SPICE1: variants seen among roughly 807,000 people sequenced by gnomAD.
The protein encoded by SPICE1 is spindle and centriole associated protein 1, also known as spindle and centriole-associated protein 1.
A neutral mutation model predicts 102.7 loss-of-function variants in SPICE1; 75 were observed. The observed-to-expected ratio is 0.73, with a 90% CI of 0.61 to 0.88. SPICE1 has a LOEUF of 0.88. SPICE1 is among the 40% of genes least tolerant of loss of function. The probability of loss-of-function intolerance (pLI) is 0.00; values close to 1 mark genes in which losing one functional copy is unlikely to be tolerated. For synonymous variants in SPICE1, 308 were observed against 350.3 expected (o/e 0.88, Z 1.35); for missense variants, 979 against 1,020.1 (o/e 0.96, Z 0.55).
At chr3:113,469,928 G>C (rs761721932) in intron 7 of SPICE1, among the ~76,000 whole-genome samples, 3 of 152,142 alleles carry the variant, frequency 2.0e-5, no homozygotes, top group Non-Finnish European at 4.4e-5. Context: ...GCCAGTCTCT[G>C]CTCATCAATG....
intron 7 of SPICE1, among the ~76,000 whole-genome samples, chr3:113,479,113 T>A (rs577306943): frequency 1.3e-4 from 19 of 144,890 alleles, no homozygotes; most frequent in African/African-American, 4.8e-4. Context: ...CTCCTAATGC[T>A]ATCCCTCCCC....
chr3:113,502,662 TAAAA>T (rs35248720), intron 3 of SPICE1, among the ~76,000 whole-genome samples: 4,222 of 87,286 alleles, frequency 0.048, 77 homozygotes, highest in East Asian at 0.11. Flanking sequence ...CAATAAATCT[TAAAA>T]AAAAAAAAAA....
chr3:113,458,920 C>G (rs534673585), intron 12 of SPICE1, among the ~76,000 whole-genome samples: 204 of 152,234 alleles, frequency 1.3e-3, no homozygotes, highest in African/African-American at 4.5e-3. Context: ...GGGAGGTGTA[C>G]CCAACAGCTC....
chr3:113,465,921 A>G lies in SPICE1; in HGVS notation c.1156-137T>C, dbSNP rs188321326. ...ACAGTAATGATGAAGAGTTTTATTA[A>G]AAGGTTTATTATATTTAATTAAAGA... On this transcript the variant is annotated intron_variant, in intron 10 of 17. Transcript: ENST00000295872. 19 of 766,732 alleles carry G rather than the reference A, an allele frequency of 2.5e-5. No homozygotes were observed. The African/African-American group carries it at 3.2e-4, about 13-fold the overall frequency. The allele number at this position is 766,732 out of a possible 1,614,324, so 47.5% of individuals were successfully genotyped here. A position where few individuals can be genotyped will look rare whatever the true frequency, so the allele number is the denominator to read the frequency against.
At chr3:113,486,182 A>C (rs1172752564) in intron 7 of SPICE1, among the ~76,000 whole-genome samples, 1 of 141,862 alleles carries the variant, frequency 7.0e-6, no homozygotes, top group East Asian at 2.2e-4. Flanking sequence ...TAGTATATCA[A>C]ATATACTGTA....
chr3:113,478,411 A>G (rs538572408), intron 7 of SPICE1, among the ~76,000 whole-genome samples: 9 of 152,286 alleles, frequency 5.9e-5, no homozygotes, highest in Middle Eastern at 3.4e-3. Flanking sequence ...TGGAAACAAG[A>G]AAAAAGTAGA....
Position 113,465,780 on chromosome 3 carries a change from T to A in SPICE1, c.1160A>T (p.Glu387Val). The A allele has an allele frequency of 6.2e-7, 1 of 1,610,612 alleles. No individual in the cohort carries two copies. The highest frequency in any genetic ancestry group is 8.5e-7 in the Non-Finnish European group (1 of 1,179,096). The change falls in exon 11 of 18, where the codon GAG becomes GTG. Residue 387 changes from glutamate to valine, a missense_variant. Transcript: ENST00000295872. ...CTCTACTTCTTTACGTAGCTGGATCTCACTCTACAAAAAAATATCAAATAA... is the reference window on the plus strand; with the variant it reads ...CTCTACTTCTTTACGTAGCTGGATCACACTCTACAAAAAAATATCAAATAA... ...CRLVRYLKES[E>V]IQLRKEVETR...
chr3:113,453,675 C>T lies in SPICE1; in HGVS notation c.1933G>A (p.Glu645Lys). 1 of 1,614,130 alleles carries T rather than the reference C, an allele frequency of 6.2e-7. No homozygotes were observed. The highest frequency in any genetic ancestry group is 2.2e-5 in the East Asian group (1 of 44,876). ...TQQSRSPTFSEELPVLGDGQQ... is the reference protein window; with the variant it reads ...TQQSRSPTFSKELPVLGDGQQ... ...CCATCTCCCAGTACTGGGAGCTCTT[C>T]TGAGAATGTGGGGCTTCTTGACTGT... Residue 645 changes from glutamate (E) to lysine (K), a missense_variant, in exon 14 of 18, where the codon GAA (glutamate) becomes AAA (lysine). Glu to Lys is a moderately conservative substitution (Grantham distance 56). Coordinates refer to ENST00000295872, the MANE Select transcript of SPICE1 (RefSeq NM_144718.4).
At position 113,493,202 on chromosome 3, in the gene SPICE1, T is replaced by C; in HGVS notation, c.492+4A>G. On this transcript the variant is annotated splice_donor_region_variant and intron_variant, in intron 6 of 17. Transcript: ENST00000295872. ...GTGTTATAGCTGTGAGTGGAACACATTACCTGAGGTTCTATGACAGACTCA... is the reference window on the plus strand; with the variant it reads ...GTGTTATAGCTGTGAGTGGAACACACTACCTGAGGTTCTATGACAGACTCA... The C allele has an allele frequency of 1.9e-6, 3 of 1,583,652 alleles. No homozygotes were observed. The highest frequency in any genetic ancestry group is 1.4e-5 in the African/African-American group (1 of 73,618).
At chr3:113,467,346 C>T (rs1225022176) in intron 10 of SPICE1, among the ~76,000 whole-genome samples, 1 of 152,170 alleles carries the variant, frequency 6.6e-6, no homozygotes, top group Non-Finnish European at 1.5e-5. Flanking sequence ...GGCTGGAGTG[C>T]AGTGGCGCGA....
intron 7 of SPICE1, among the ~76,000 whole-genome samples, chr3:113,476,064 G>A (rs1174212552): frequency 2.6e-5 from 4 of 152,138 alleles, no homozygotes; most frequent in Non-Finnish European, 4.4e-5. Context: ...ATCTCCTTAA[G>A]CTGATAAGCA....
intron 4 of SPICE1, chr3:113,499,160 T>C (rs1936957338): frequency 4.0e-6 from 1 of 249,020 alleles, no homozygotes; most frequent in African/African-American, 2.2e-5. Flanking sequence ...CTCATAGCAA[T>C]ACAAGCAAAT....
intron 7 of SPICE1, among the ~76,000 whole-genome samples, chr3:113,483,260 C>T (rs957665296): frequency 6.6e-6 from 1 of 152,128 alleles, no homozygotes; most frequent in Non-Finnish European, 1.5e-5. Context: ...GATTTTGTAT[C>T]CTGAGACTTT....
At position 113,499,537 on chromosome 3, in the gene SPICE1, G is replaced by C. The variant is rs779362954; in HGVS notation, c.193C>G (p.His65Asp). ...IHKSKNRALV[H>D]WELQEKALKR... The stretch of plus-strand genomic sequence containing the variant: ...AAAGCTTTTTCTTGGAGTTCCCAGT[G>C]TACTAATGCTCTATTCTTCGATTTG... Residue 65 changes from histidine (H) to aspartate (D), a missense_variant, in exon 4 of 18, where the codon CAC (histidine) becomes GAC (aspartate). Transcript: ENST00000295872. 1.3e-5 allele frequency: 21 copies of C among 1,612,800 alleles called. No individual in the cohort carries two copies. The highest frequency in any genetic ancestry group is 1.8e-5 in the Non-Finnish European group (21 of 1,179,638).
At chr3:113,497,593 C>T (rs1300165603) in intron 4 of SPICE1, among the ~76,000 whole-genome samples, 4 of 151,730 alleles carry the variant, frequency 2.6e-5, no homozygotes, top group African/African-American at 9.7e-5. Flanking sequence ...GTCTAAAAAA[C>T]ACCTACATGG....
At position 113,448,117 on chromosome 3, in the gene SPICE1, C is replaced by G; in HGVS notation, c.2347G>C (p.Val783Leu). 1 of 1,609,852 alleles carries G rather than the reference C, an allele frequency of 6.2e-7. No individual in the cohort carries two copies. The highest frequency in any genetic ancestry group is 1.3e-5 in the African/African-American group (1 of 74,900). The change falls in exon 16 of 18, where the codon GTA (valine) becomes CTA (leucine). Residue 783 changes from valine to leucine, a missense_variant. By Grantham distance (32) the Val-to-Leu change is conservative. Coordinates refer to ENST00000295872, the MANE Select transcript of SPICE1 (RefSeq NM_144718.4). ...GGGGCTTCTGCTCCTGGAATAGATA[C>G]CTCAATTGTCCTCTTTGCTCCTTCT... ...WTEGAKRTIE[V>L]SIPGAEAPES...
intron 2 of SPICE1, among the ~76,000 whole-genome samples, chr3:113,504,195 G>A (rs1418126771): frequency 6.6e-6 from 1 of 152,136 alleles, no homozygotes; most frequent in African/African-American, 2.4e-5. Flanking sequence ...TGGTACACAG[G>A]CTGCACAGCT....
chr3:113,459,119 C>T (rs1473583183), intron 12 of SPICE1, among the ~76,000 whole-genome samples: 1 of 152,068 alleles, frequency 6.6e-6, no homozygotes, highest in Non-Finnish European at 1.5e-5. Context: ...AACCTTACCC[C>T]CAACCCCCTG....
chr3:113,502,753 C>T (rs1028351855), intron 3 of SPICE1, among the ~76,000 whole-genome samples: 2 of 143,398 alleles, frequency 1.4e-5, no homozygotes, highest in African/African-American at 2.6e-5. Flanking sequence ...AAGATTTGAA[C>T]GGGTAGAGAA....
Sources: gnomAD v4.1 joint callset for allele counts (sites outside exome capture counted in the v4.1 genomes callset) on GRCh38, gnomAD v4.1.1 for gene constraint, MANE v1.5 for transcripts, NCBI Gene and HGNC (gene_info 2026-07-23, HGNC 2026-07-21) for gene names.